The following CDK17 variants were observed in gnomAD, a reference collection of about 807,000 sequenced individuals.
CDK17 encodes cyclin dependent kinase 17.
Under a neutral mutation model 77.6 loss-of-function variants are expected in CDK17, and 24 were observed. The ratio of observed to expected loss-of-function variants is 0.31; its 90% CI spans 0.22 to 0.44. The LOEUF (loss-of-function observed/expected upper bound fraction) is 0.44. CDK17 is among the 20% of genes least tolerant of loss of function. The pLI is 1.00. For missense variants in CDK17, 429 were observed against 622.5 expected (o/e 0.69, Z 3.31); for synonymous variants, 203 against 210.4 (o/e 0.96, Z 0.30).
At chr12:96,368,843 A>T (rs888797597) in intron 1 of CDK17, among the ~76,000 whole-genome samples, 13 of 131,322 alleles carry the variant, frequency 9.9e-5, no homozygotes, top group African/African-American at 3.6e-4. Flanking sequence ...ATAAGGCTGG[A>T]AAGGAGCACA....
At chr12:96,330,763 T>G (rs1015925917) in intron 2 of CDK17, among the ~76,000 whole-genome samples, 3 of 152,240 alleles carry the variant, frequency 2.0e-5, no homozygotes, top group African/African-American at 7.2e-5. Context: ...GATGGGCATC[T>G]GGGTTGTTTA....
intron 2 of CDK17, among the ~76,000 whole-genome samples, chr12:96,326,299 G>A (rs1952890739): frequency 6.6e-6 from 1 of 152,128 alleles, no homozygotes; most frequent in Non-Finnish European, 1.5e-5. Flanking sequence ...ATCTCAGAGT[G>A]CATAAAACCT....
chr12:96,316,891 G>A (rs1451798070), intron 3 of CDK17, among the ~76,000 whole-genome samples: 7 of 150,416 alleles, frequency 4.7e-5, no homozygotes, highest in African/African-American at 1.2e-4. Flanking sequence ...ACTCTAAAAC[G>A]CAGAGTGCCT....
chr12:96,360,634 A>AC (rs1592752852), intron 1 of CDK17, among the ~76,000 whole-genome samples: 2 of 152,242 alleles, frequency 1.3e-5, no homozygotes, highest in East Asian at 3.8e-4. Context: ...GAGACAAAAG[A>AC]CATCAGCACT....
chr12:96,389,834 TG>T (rs1464161691), intron 1 of CDK17, among the ~76,000 whole-genome samples: 8 of 51,426 alleles, frequency 1.6e-4, no homozygotes, highest in South Asian at 1.0e-3. Context: ...GTTTGTTTTT[TG>T]TTTTTTTTTT....
At chr12:96,307,786 A>G (rs1406347531) in intron 5 of CDK17, among the ~76,000 whole-genome samples, 2 of 151,974 alleles carry the variant, frequency 1.3e-5, no homozygotes, top group Non-Finnish European at 2.9e-5. Context: ...CATGAGAATC[A>G]CTTGAACCAG....
chr12:96,359,682 A>G (rs933107892), intron 1 of CDK17, among the ~76,000 whole-genome samples: 10 of 152,236 alleles, frequency 6.6e-5, no homozygotes, highest in African/African-American at 1.4e-4. Context: ...GACAAACACT[A>G]TATTAATTAG....
intron 1 of CDK17, among the ~76,000 whole-genome samples, chr12:96,337,077 A>AT (rs1036365846): frequency 5.3e-5 from 8 of 152,056 alleles, no homozygotes; most frequent in South Asian, 2.1e-4. Context: ...TTTAATTTTT[A>AT]TTTTTTTTAA....
In CDK17 at chr12:96,400,209, C is replaced by T. The variant is rs1325177209; in HGVS notation, c.-253G>A. On this transcript the variant is annotated 5_prime_UTR_variant, in exon 1 of 17. Transcript: ENST00000261211. ...GCGGGTGTCTCACGCGTTGCCAAGT[C>T]CCTCGGTCAACATGGCTCCCGCGCC... 9.4e-5 allele frequency: 37 copies of T among 394,618 alleles called. No individual in the cohort carries two copies. The allele number at this position is 394,618 out of a possible 1,614,324, so 24.4% of individuals were successfully genotyped here. A position where few individuals can be genotyped will look rare whatever the true frequency, so the allele number is the denominator to read the frequency against.
At chr12:96,353,605 C>CGG (rs11369777) in intron 1 of CDK17, among the ~76,000 whole-genome samples, 3,434 of 140,630 alleles carry the variant, frequency 0.024, 69 homozygotes, top group South Asian at 0.071. Context: ...TAAAAGGTGG[C>CGG]GGGGGGGGGC....
intron 1 of CDK17, among the ~76,000 whole-genome samples, chr12:96,395,224 A>G (rs1028642715): frequency 6.6e-6 from 1 of 152,238 alleles, no homozygotes; most frequent in Non-Finnish European, 1.5e-5. Context: ...ATTCATTTTG[A>G]GCAACATGTC....
rs755003543 is a variant in CDK17 at position 96,323,981 on chromosome 12, A to T, written c.250T>A (p.Phe84Ile). The change falls in exon 3 of 17, where the codon TTC (phenylalanine) becomes ATC (isoleucine). Residue 84 changes from phenylalanine (F) to isoleucine (I), a missense_variant. Physicochemically the swap from Phe to Ile is conservative, Grantham distance 21. Coordinates refer to ENST00000261211, the MANE Select transcript of CDK17 (RefSeq NM_002595.5). ...HSVIGGSLGS[F>I]MAMPRNGSRL... ...CTTCCATTTCTGGGCATTGCCATGA[A>T]GGAGCCAAGGCTCCCTCCAATAACA... is the stretch of plus-strand genomic sequence containing the variant. 6.2e-7 allele frequency: 1 copy of T among 1,602,280 alleles called. No homozygotes were observed. The highest frequency in any genetic ancestry group is 8.5e-7 in the Non-Finnish European group (1 of 1,174,786).
chr12:96,303,457 T>C (rs186890368), intron 5 of CDK17: 1 of 152,268 alleles, frequency 6.6e-6, no homozygotes, highest in Non-Finnish European at 1.5e-5. Context: ...AATTTTCAAT[T>C]AGCAATAACT....
In CDK17 at chr12:96,400,068, C is replaced by G. The variant is rs553302541; in HGVS notation, c.-112G>C. The G allele has an allele frequency of 1.8e-5, 7 of 389,438 alleles. No homozygotes were observed. Among genetic ancestry groups the G allele is most frequent in the Non-Finnish European group, 9.1e-6 (2 of 220,432 alleles). 24.1% of individuals were successfully genotyped at this position (389,438 alleles called of 1,614,324 possible). A position where few individuals can be genotyped will look rare whatever the true frequency, so the allele number is the denominator to read the frequency against. On this transcript the variant is annotated 5_prime_UTR_variant, in exon 1 of 17. Coordinates refer to ENST00000261211, the MANE Select transcript of CDK17 (RefSeq NM_002595.5). ...CTGCTCCGCGGACGCCCGCGGCGAC[C>G]GGATGCAAGTCCGGGTCTCAGCGGC...
intron 1 of CDK17, among the ~76,000 whole-genome samples, chr12:96,336,107 GA>G (rs1237094931): frequency 6.6e-6 from 1 of 152,106 alleles, no homozygotes; most frequent in Non-Finnish European, 1.5e-5. Flanking sequence ...GCTGGGGGGG[GA>G]GGTATCACAA....
intron 1 of CDK17, among the ~76,000 whole-genome samples, chr12:96,386,060 C>G (rs910700131): frequency 3.3e-5 from 5 of 152,210 alleles, no homozygotes; most frequent in African/African-American, 1.2e-4. Flanking sequence ...AACTCTGTCA[C>G]GCTGGCTGGG....
intron 1 of CDK17, among the ~76,000 whole-genome samples, chr12:96,366,141 T>C (rs1037923588): frequency 5.3e-5 from 8 of 152,192 alleles, no homozygotes; most frequent in Non-Finnish European, 1.0e-4. Flanking sequence ...AGCAAATACC[T>C]TCCATTGCTA....
intron 1 of CDK17, chr12:96,399,032 C>T (rs1954215852): frequency 6.6e-6 from 1 of 152,194 alleles, no homozygotes; most frequent in South Asian, 2.1e-4. Flanking sequence ...AGGGTCAGAA[C>T]AAGCTCAGAC....
chr12:96,376,908 GAAAAAATACTAC>G (rs1953789745), intron 1 of CDK17, among the ~76,000 whole-genome samples: 1 of 152,046 alleles, frequency 6.6e-6, no homozygotes, highest in Non-Finnish European at 1.5e-5. Context: ...ATAATCAGTA[GAAAAAATACTAC>G]AAAATATACA....
Sources: allele counts gnomAD v4.1 joint callset (sites outside exome capture counted in the v4.1 genomes callset), GRCh38; gene constraint gnomAD v4.1.1; transcripts MANE v1.5; gene names NCBI Gene and HGNC (gene_info 2026-07-23, HGNC 2026-07-21).